KIF21B: variants seen among roughly 807,000 people sequenced by gnomAD.
KIF21B encodes the protein kinesin-like protein KIF21B.
KIF21B carries 85 observed loss-of-function variants against 192.9 expected under a neutral mutation model. That is an observed-to-expected ratio of 0.44 (90% CI 0.37 to 0.53). The LOEUF is 0.53. KIF21B is among the 20% of genes least tolerant of loss of function. The probability of loss-of-function intolerance (pLI) is 0.00; values close to 1 mark genes in which losing one functional copy is unlikely to be tolerated. For synonymous variants in KIF21B, 832 were observed against 884.6 expected (o/e 0.94, Z 1.05); for missense variants, 1,716 against 2,194.8 (o/e 0.78, Z 4.36).
At chr1:200,995,098 G>T (rs1571938543) in intron 15 of KIF21B, among the ~76,000 whole-genome samples, 1 of 152,244 alleles carries the variant, frequency 6.6e-6, no homozygotes, top group African/African-American at 2.4e-5. Context: ...TGAGGTGGCT[G>T]GGCCTCAATG....
Position 201,000,337 on chromosome 1 carries a change from G to C in KIF21B, c.1685+53C>G. 1 of 1,487,718 alleles carries C rather than the reference G, an allele frequency of 6.7e-7. No individual in the cohort carries two copies. Among genetic ancestry groups the C allele is most frequent in the Non-Finnish European group, 9.0e-7 (1 of 1,116,712 alleles). The allele number at this position is 1,487,718 out of a possible 1,614,324, so 92.2% of individuals were successfully genotyped here. A position where few individuals can be genotyped will look rare whatever the true frequency, so the allele number is the denominator to read the frequency against. On this transcript the variant is annotated intron_variant, in intron 11 of 34. Transcript: ENST00000461742. The surrounding 1 kb of genome is among the most constrained non-coding windows in gnomAD (Gnocchi z 6.0). ...GCAGTCCTCCTTGGGGACGGGCAGGGTCCACTGGGGCGGTCTGAGGGCTCT... is the reference window on the plus strand; with the variant it reads ...GCAGTCCTCCTTGGGGACGGGCAGGCTCCACTGGGGCGGTCTGAGGGCTCT...
chr1:200,984,387 A>G (rs1289319332), intron 27 of KIF21B, among the ~76,000 whole-genome samples: 1 of 152,240 alleles, frequency 6.6e-6, no homozygotes, highest in Non-Finnish European at 1.5e-5. Flanking sequence ...AGAGTCTTGC[A>G]TCAGGAGCTG....
chr1:200,986,871 T>C lies in KIF21B; in HGVS notation c.3662A>G (p.Lys1221Arg). The C allele has an allele frequency of 6.2e-7, 1 of 1,613,846 alleles. No individual in the cohort carries two copies. Among genetic ancestry groups the C allele is most frequent in the Non-Finnish European group, 8.5e-7 (1 of 1,179,852 alleles). Residue 1221 changes from lysine (K) to arginine (R), a missense_variant, in exon 26 of 35, where the codon AAG (lysine) becomes AGG (arginine). Physicochemically the swap from Lys to Arg is conservative, Grantham distance 26 (BLOSUM62 2). This residue lies in a region of KIF21B where 580 missense variants were observed against 775.5 expected (regional missense o/e 0.75). Coordinates refer to ENST00000461742, the MANE Select transcript of KIF21B (RefSeq NM_001252102.2). Reference sequence around the variant, plus strand: ...AATGGGCTGCCCTCGGTCGTAGGACTTCCTTCTCGTCAGCGGGGACGTCTC... The same window carrying C: ...AATGGGCTGCCCTCGGTCGTAGGACCTCCTTCTCGTCAGCGGGGACGTCTC... The part of the protein sequence containing the change: ...ATETSPLTRR[K>R]SYDRGQPIRS...
Position 200,990,794 on chromosome 1 carries a change from T to C in KIF21B, c.2688-71A>G. 6.3e-7 allele frequency: 1 copy of C among 1,598,436 alleles called. No homozygotes were observed. The highest frequency in any genetic ancestry group is 8.6e-7 in the Non-Finnish European group (1 of 1,168,912). ...TCTGCAGCTCCACTGAGCCCCCATC[T>C]GGAGCTGACAGCCACGGGGACCCGG... On this transcript the variant is annotated intron_variant, in intron 18 of 34. Transcript: ENST00000461742. The surrounding 1 kb of genome is among the most constrained non-coding windows in gnomAD (Gnocchi z 5.4).
intron 34 of KIF21B, chr1:200,973,927 G>A (rs1655369675): frequency 3.3e-6 from 5 of 1,516,816 alleles, no homozygotes; most frequent in Middle Eastern, 3.7e-4. Context: ...GGGTGCAGGA[G>A]GGACAGGCAG....
rs535673478 is a variant in KIF21B, at chr1:200,999,059, T to C, written c.1885+290A>G. ...AGGTCACTAAACCCCTGTGAGCTTG[T>C]TCCTCTGTGGTGATATAGGGAAGCT... On this transcript the variant is annotated intron_variant, in intron 13 of 34. Transcript: ENST00000461742. The surrounding 1 kb of genome is among the most constrained non-coding windows in gnomAD (Gnocchi z 4.7). Among the ~76,000 whole-genome samples the C allele has an allele frequency of 2.6e-5, 4 of 152,280 alleles. No individual in the cohort carries two copies. Among genetic ancestry groups the C allele is most frequent in the Non-Finnish European group, 4.4e-5 (3 of 68,000 alleles).
At chr1:200,985,150 T>C (rs1323472512) in intron 26 of KIF21B, among the ~76,000 whole-genome samples, 178 bp from the exon 27 acceptor site, 1 of 152,168 alleles carries the variant, frequency 6.6e-6, no homozygotes, top group Non-Finnish European at 1.5e-5. Context: ...ACATCAATCC[T>C]CATCATTCAC....
rs979018276 is a variant in KIF21B, at chr1:200,990,369, G to T, written c.2836-37C>A. The T allele has an allele frequency of 1.3e-6, 2 of 1,565,120 alleles. No individual in the cohort carries two copies. The highest frequency in any genetic ancestry group is 1.7e-6 in the Non-Finnish European group (2 of 1,155,336). On this transcript the variant is annotated intron_variant, in intron 19 of 34. Transcript: ENST00000461742. The surrounding 1 kb of genome is among the most constrained non-coding windows in gnomAD (Gnocchi z 5.4). ...GGGGAGGGTGGTGATTGTGATGAAG[G>T]AGAGGCCTCAGGTAGCTGCCAAGCC...
rs371291105 is a variant in KIF21B at position 201,011,206 on chromosome 1, C to T, written c.42-1718G>A. Reference sequence around the variant, plus strand: ...CCTCCAGACCAGAAACTTGAGTCTCCAGTAAGAGCTCAGGGTCAGCAAGGC... The same window carrying T: ...CCTCCAGACCAGAAACTTGAGTCTCTAGTAAGAGCTCAGGGTCAGCAAGGC... On this transcript the variant is annotated intron_variant, in intron 1 of 34. Coordinates refer to ENST00000461742, the MANE Select transcript of KIF21B (RefSeq NM_001252102.2). 4.5e-4 allele frequency among the ~76,000 whole-genome samples: 69 copies of T among 152,332 alleles called. 1 individual carries two copies. The South Asian group carries it at 0.013, about 29-fold the overall frequency.
intron 9 of KIF21B, among the ~76,000 whole-genome samples, chr1:201,001,109 G>GA (rs57228721): frequency 0.055 from 6,376 of 116,966 alleles, 388 homozygotes; most frequent in African/African-American, 0.15. Flanking sequence ...CTCCGTCTCA[G>GA]AAAAAAAAAA....
At position 200,982,967 on chromosome 1, in the gene KIF21B, C is replaced by T. The variant is rs2102391907; in HGVS notation, c.3842+89G>A. ...GGCCGCATGCTGAGGACACGGGTGTCAGGCGGGAGGGATGCAGCAAGAGAC... is the reference window on the plus strand; with the variant it reads ...GGCCGCATGCTGAGGACACGGGTGTTAGGCGGGAGGGATGCAGCAAGAGAC... On this transcript the variant is annotated intron_variant, in intron 28 of 34. Transcript: ENST00000461742. This position sits in a 1 kb window ranked among gnomAD's most constrained non-coding sequence, Gnocchi z 4.7. 8.2e-7 allele frequency: 1 copy of T among 1,224,816 alleles called. No homozygotes were observed. Among genetic ancestry groups the T allele is most frequent in the Non-Finnish European group, 1.2e-6 (1 of 864,214 alleles). The allele number at this position is 1,224,816 out of a possible 1,614,324, so 75.9% of individuals were successfully genotyped here.
At chr1:200,997,223 C>A (rs1408328735) in intron 14 of KIF21B, among the ~76,000 whole-genome samples, 1 of 152,196 alleles carries the variant, frequency 6.6e-6, no homozygotes, top group Non-Finnish European at 1.5e-5. Context: ...GAGTATAAGG[C>A]AATGTCCTTA....
In KIF21B at chr1:201,000,327, G is replaced by A. The variant is rs911094127; in HGVS notation, c.1685+63C>T. The A allele has an allele frequency of 5.8e-5, 85 of 1,456,750 alleles. No individual in the cohort carries two copies. Among genetic ancestry groups the A allele is most frequent in the Non-Finnish European group, 7.6e-5 (83 of 1,091,096 alleles). 90.2% of individuals were successfully genotyped at this position (1,456,750 alleles called of 1,614,324 possible). On this transcript the variant is annotated intron_variant, in intron 11 of 34. Coordinates refer to ENST00000461742, the MANE Select transcript of KIF21B (RefSeq NM_001252102.2). The surrounding 1 kb of genome is among the most constrained non-coding windows in gnomAD (Gnocchi z 6.0). ...CTGGTGGGCAGCAGTCCTCCTTGGG[G>A]ACGGGCAGGGTCCACTGGGGCGGTC...
At chr1:200,992,216 G>A in intron 16 of KIF21B, 66 bp downstream of exon 16, 1 of 1,456,910 alleles carries the variant, frequency 6.9e-7, no homozygotes, top group Non-Finnish European at 9.5e-7. Context: ...GGGGCAGCCA[G>A]GTGCACCAGG....
chr1:201,015,658 G>A (rs1262661783), intron 1 of KIF21B, among the ~76,000 whole-genome samples: 4 of 152,188 alleles, frequency 2.6e-5, no homozygotes, highest in Non-Finnish European at 5.9e-5. Flanking sequence ...ATGAGTGAGT[G>A]TATGGAGGGG....
At chr1:201,003,364 C>T in intron 8 of KIF21B, 1 of 593,084 alleles carries the variant, frequency 1.7e-6, no homozygotes, top group Admixed American at 2.9e-5. Context: ...ATTCTAAAAT[C>T]TTGAGGGCTC....
chr1:200,979,808 G>T (rs1331990120), intron 29 of KIF21B, 93 bp from the exon 30 acceptor site: 2 of 1,095,720 alleles, frequency 1.8e-6, no homozygotes, highest in Non-Finnish European at 2.5e-6. Flanking sequence ...CAGGATAGGG[G>T]AAAGGGATCC....
Position 201,005,663 on chromosome 1 carries a change from T to G in KIF21B, c.479A>C (p.Asp160Ala). Residue 160 changes from aspartate to alanine, a missense_variant, in exon 4 of 35, where the codon GAC becomes GCC. Physicochemically the swap from Asp to Ala is moderately radical, Grantham distance 126. This residue lies in a region of KIF21B where 1,087 missense variants were observed against 1,316.6 expected (regional missense o/e 0.83). Transcript: ENST00000461742. ...GCGGGTGTCAGGGTCACGGGTGCTGTCAAACAGGTCAAGGATCTCCTCGTT... is the reference window on the plus strand; with the variant it reads ...GCGGGTGTCAGGGTCACGGGTGCTGGCAAACAGGTCAAGGATCTCCTCGTT... ...LYNEEILDLF[D>A]STRDPDTRHR... 6.2e-7 allele frequency: 1 copy of G among 1,614,102 alleles called. No homozygotes were observed. Among genetic ancestry groups the G allele is most frequent in the Non-Finnish European group, 8.5e-7 (1 of 1,180,006 alleles).
At position 200,998,603 on chromosome 1, in the gene KIF21B, A is replaced by G. The variant is rs772148914; in HGVS notation, c.1886-28T>C. ...ATGGGGGCACAATCAGGCTCAGCCC[A>G]GCGTTAGGGCGAGGGGCAAATTGGG... On this transcript the variant is annotated intron_variant, in intron 13 of 34. Transcript: ENST00000461742. This position sits in a 1 kb window ranked among gnomAD's most constrained non-coding sequence, Gnocchi z 4.3. 5 of 1,602,814 alleles carry G rather than the reference A, an allele frequency of 3.1e-6. No homozygotes were observed. Among genetic ancestry groups the G allele is most frequent in the Non-Finnish European group, 4.3e-6 (5 of 1,172,228 alleles).
Sources: allele counts gnomAD v4.1 joint callset (sites outside exome capture counted in the v4.1 genomes callset), GRCh38; gene constraint gnomAD v4.1.1; regional missense constraint gnomAD v4.1.1; non-coding constraint Gnocchi (gnomAD v3.1); transcripts MANE v1.5; gene names NCBI Gene and HGNC (gene_info 2026-07-23, HGNC 2026-07-21).